KCNQ3: variants seen among roughly 807,000 people sequenced by gnomAD.
KCNQ3 encodes potassium voltage-gated channel subfamily KQT member 3.
Under a neutral mutation model 92.5 loss-of-function variants are expected in KCNQ3, and 30 were observed. The observed-to-expected ratio is 0.32, with a 90% CI of 0.24 to 0.44. The LOEUF is 0.44. KCNQ3 is among the 20% of genes least tolerant of loss of function. The pLI is 1.00. For synonymous variants in KCNQ3, 450 were observed against 468.8 expected, an observed-to-expected ratio of 0.96 and a Z score of 0.52; for missense variants, 913 against 1,140.3, an observed-to-expected ratio of 0.80 and a Z score of 2.87.
At chr8:132,415,074 A>C (rs1820760216) in intron 1 of KCNQ3, among the ~76,000 whole-genome samples, 2 of 152,214 alleles carry the variant, frequency 1.3e-5, no homozygotes, top group African/African-American at 4.8e-5. Context: ...GGGCAATTAA[A>C]GGCCATCAAA....
intron 1 of KCNQ3, among the ~76,000 whole-genome samples, chr8:132,324,279 A>C (rs1817977905): frequency 6.6e-6 from 1 of 152,096 alleles, no homozygotes; most frequent in Non-Finnish European, 1.5e-5. Context: ...ACTTCATTCT[A>C]ATGTCCTTCC....
At chr8:132,426,787 C>T (rs959782082) in intron 1 of KCNQ3, among the ~76,000 whole-genome samples, 1 of 152,104 alleles carries the variant, frequency 6.6e-6, no homozygotes, top group Admixed American at 6.5e-5. Flanking sequence ...ACTCCCTGGT[C>T]CCCCAAAATA....
At chr8:132,384,665 G>C (rs1298020574) in intron 1 of KCNQ3, among the ~76,000 whole-genome samples, 1 of 152,138 alleles carries the variant, frequency 6.6e-6, no homozygotes, top group Non-Finnish European at 1.5e-5. Context: ...CGAGTTCAAG[G>C]AGTTTTTTAA....
intron 9 of KCNQ3, among the ~76,000 whole-genome samples, chr8:132,149,256 G>A (rs968344114): frequency 3.3e-5 from 5 of 152,236 alleles, no homozygotes; most frequent in Non-Finnish European, 7.3e-5. Context: ...GGGTGGGGCC[G>A]CAAAAAGTTC....
At chr8:132,447,427 G>C (rs1195415784) in intron 1 of KCNQ3, among the ~76,000 whole-genome samples, 1 of 152,166 alleles carries the variant, frequency 6.6e-6, no homozygotes, top group African/African-American at 2.4e-5. Flanking sequence ...TGGGGAAGAG[G>C]TGGTGGAGGG....
intron 1 of KCNQ3, among the ~76,000 whole-genome samples, chr8:132,397,920 A>C (rs1820234633): frequency 6.6e-6 from 1 of 152,190 alleles, no homozygotes; most frequent in Admixed American, 6.5e-5. Context: ...AAATCCTAGG[A>C]AATTTTTTAA....
chr8:132,256,881 TGAAAG>T (rs1815606505), intron 1 of KCNQ3, among the ~76,000 whole-genome samples: 2 of 152,070 alleles, frequency 1.3e-5, no homozygotes, highest in African/African-American at 2.4e-5. Context: ...TCTTTTAGGA[TGAAAG>T]GAAAGGAAAT....
intron 1 of KCNQ3, among the ~76,000 whole-genome samples, chr8:132,192,807 G>A (rs759577026): frequency 4.6e-5 from 7 of 152,082 alleles, no homozygotes; most frequent in Non-Finnish European, 5.9e-5. Context: ...GCAGCACTAT[G>A]CCTGGTTAAT....
At chr8:132,465,699 G>A (rs1822156122) in intron 1 of KCNQ3, among the ~76,000 whole-genome samples, 1 of 152,138 alleles carries the variant, frequency 6.6e-6, no homozygotes, top group Non-Finnish European at 1.5e-5. Flanking sequence ...AGCCGAGATT[G>A]CACCACTGCA....
chr8:132,271,467 A>T (rs944578248), intron 1 of KCNQ3, among the ~76,000 whole-genome samples: 5 of 152,072 alleles, frequency 3.3e-5, no homozygotes, highest in Admixed American at 2.6e-4. Context: ...TCTGCAACCC[A>T]GCTTGTTTCC....
intron 7 of KCNQ3, among the ~76,000 whole-genome samples, 167 bp downstream of exon 7, chr8:132,172,431 C>CACACACACACACACACACACAG: frequency 6.6e-6 from 1 of 150,800 alleles, no homozygotes; most frequent in South Asian, 2.1e-4. Context: ...CACACACACA[C>CACACACACACACACACACACAG]ACACAGACAC....
chr8:132,343,179 A>G (rs1586942773), intron 1 of KCNQ3, among the ~76,000 whole-genome samples: 1 of 152,212 alleles, frequency 6.6e-6, no homozygotes, highest in Non-Finnish European at 1.5e-5. Context: ...ACAGTGTTCA[A>G]TGGATTTGCT....
intron 1 of KCNQ3, among the ~76,000 whole-genome samples, chr8:132,203,479 A>G (rs1471425923): frequency 6.6e-6 from 1 of 152,212 alleles, no homozygotes; most frequent in Non-Finnish European, 1.5e-5. Flanking sequence ...AGAGGATTCA[A>G]TAAAATAATG....
intron 1 of KCNQ3, among the ~76,000 whole-genome samples, chr8:132,386,317 A>G (rs1235397989): frequency 6.6e-6 from 1 of 152,142 alleles, no homozygotes; most frequent in African/African-American, 2.4e-5. Flanking sequence ...TAAAATTAAA[A>G]ATATAAAAAT....
At chr8:132,235,616 C>G (rs896653947) in intron 1 of KCNQ3, among the ~76,000 whole-genome samples, 1 of 152,194 alleles carries the variant, frequency 6.6e-6, no homozygotes, top group Non-Finnish European at 1.5e-5. Flanking sequence ...CCAGGAAATT[C>G]ACTAAAGCCA....
At chr8:132,448,014 G>C (rs1190968409) in intron 1 of KCNQ3, among the ~76,000 whole-genome samples, 3 of 152,142 alleles carry the variant, frequency 2.0e-5, no homozygotes, top group Non-Finnish European at 4.4e-5. Flanking sequence ...GGGCTGTTGT[G>C]AGGATTGAAA....
chr8:132,474,129 C>T (rs55793404), intron 1 of KCNQ3, among the ~76,000 whole-genome samples: 5,450 of 152,294 alleles, frequency 0.036, 113 homozygotes, highest in African/African-American at 0.072. Context: ...TTTTCACTAA[C>T]AGGCAAAGAA....
intron 1 of KCNQ3, among the ~76,000 whole-genome samples, chr8:132,477,655 AC>A (rs1393846143): frequency 1.3e-5 from 2 of 152,128 alleles, no homozygotes; most frequent in Non-Finnish European, 2.9e-5. Context: ...CCGCAATCCC[AC>A]CACCACCCCA....
chr8:132,290,475 CT>C (rs1254711274), intron 1 of KCNQ3, among the ~76,000 whole-genome samples: 1 of 152,130 alleles, frequency 6.6e-6, no homozygotes, highest in African/African-American at 2.4e-5. Flanking sequence ...ACATGGATTA[CT>C]TTGGTTGCAG....
Sources: allele counts gnomAD v4.1 joint callset (sites outside exome capture counted in the v4.1 genomes callset), GRCh38; gene constraint gnomAD v4.1.1; transcripts MANE v1.5; gene names NCBI Gene and HGNC (gene_info 2026-07-23, HGNC 2026-07-21).